Variants in MAN1A1 observed in about 807,000 individuals in gnomAD.
MAN1A1 encodes the protein mannosyl-oligosaccharide 1,2-alpha-mannosidase IA.
MAN1A1 carries 29 observed loss-of-function variants against 70.8 expected under a neutral mutation model. The ratio of observed to expected loss-of-function variants is 0.41; its 90% CI spans 0.31 to 0.56. The LOEUF (loss-of-function observed/expected upper bound fraction) is 0.56, where lower values mean the gene tolerates loss of function less well. MAN1A1 is among the 20% of genes least tolerant of loss of function. The pLI is 0.29. For synonymous variants in MAN1A1, 349 were observed against 330.1 expected (o/e 1.06, Z -0.62); for missense variants, 747 against 841.3 (o/e 0.89, Z 1.39).
chr6:119,192,558 T>C (rs1773468718), intron 9 of MAN1A1, among the ~76,000 whole-genome samples: 1 of 152,326 alleles, frequency 6.6e-6, no homozygotes, highest in South Asian at 2.1e-4. Context: ...CCCAGACCTC[T>C]TGTTAGAAAG....
chr6:119,321,161 T>A (rs1473440169), intron 2 of MAN1A1, among the ~76,000 whole-genome samples: 1 of 152,200 alleles, frequency 6.6e-6, no homozygotes, highest in Non-Finnish European at 1.5e-5. Context: ...CTACATGAAA[T>A]CTTATTTAAA....
chr6:119,199,066 T>C (rs185977604), intron 8 of MAN1A1, among the ~76,000 whole-genome samples: 2 of 152,364 alleles, frequency 1.3e-5, no homozygotes, highest in Admixed American at 1.3e-4. Flanking sequence ...TGGAAAATCC[T>C]GGCTCACTGA....
chr6:119,318,972 A>G (rs1047688620), intron 2 of MAN1A1, among the ~76,000 whole-genome samples: 2 of 152,236 alleles, frequency 1.3e-5, no homozygotes, highest in Admixed American at 6.5e-5. Flanking sequence ...TTGAATGTCA[A>G]TAATACTCTA....
intron 11 of MAN1A1, among the ~76,000 whole-genome samples, chr6:119,183,845 G>A (rs1013840066): frequency 1.3e-5 from 2 of 151,968 alleles, no homozygotes; most frequent in African/African-American, 2.4e-5. Flanking sequence ...CCTTATCAGT[G>A]GCCCCAGAGG....
At chr6:119,304,861 C>T (rs1209099478) in intron 3 of MAN1A1, among the ~76,000 whole-genome samples, 1 of 152,192 alleles carries the variant, frequency 6.6e-6, no homozygotes, top group Non-Finnish European at 1.5e-5. Context: ...ATTTTCCTAT[C>T]CTCTCCCTGG....
At chr6:119,251,938 T>C (rs1227978567) in intron 5 of MAN1A1, among the ~76,000 whole-genome samples, 1 of 152,232 alleles carries the variant, frequency 6.6e-6, no homozygotes, top group Non-Finnish European at 1.5e-5. Flanking sequence ...TGCTCATTCT[T>C]ACCTTCAGGA....
intron 6 of MAN1A1, among the ~76,000 whole-genome samples, chr6:119,226,183 G>C (rs908140994): frequency 1.3e-5 from 2 of 152,170 alleles, no homozygotes; most frequent in African/African-American, 4.8e-5. Flanking sequence ...CATGTCTAAA[G>C]AGGACTCAAA....
At chr6:119,227,108 G>A (rs1337419962) in intron 6 of MAN1A1, among the ~76,000 whole-genome samples, 1 of 152,170 alleles carries the variant, frequency 6.6e-6, no homozygotes, top group Non-Finnish European at 1.5e-5. Flanking sequence ...GATTGAACTA[G>A]TATACACAGA....
chr6:119,197,565 G>A, intron 8 of MAN1A1, among the ~76,000 whole-genome samples: 1 of 152,118 alleles, frequency 6.6e-6, no homozygotes, highest in East Asian at 1.9e-4. Context: ...GAGGAAAAGT[G>A]GATGCTAATA....
chr6:119,244,598 T>C (rs1775116412), intron 6 of MAN1A1, among the ~76,000 whole-genome samples: 1 of 152,076 alleles, frequency 6.6e-6, no homozygotes, highest in Non-Finnish European at 1.5e-5. Flanking sequence ...AGTATATGAG[T>C]GAATTATTTA....
chr6:119,344,640 C>G (rs953549915), intron 2 of MAN1A1, among the ~76,000 whole-genome samples: 1 of 152,122 alleles, frequency 6.6e-6, no homozygotes, highest in Non-Finnish European at 1.5e-5. Flanking sequence ...CAGAACTACC[C>G]ATAAAAATAA....
At chr6:119,343,570 A>C (rs1403895092) in intron 2 of MAN1A1, among the ~76,000 whole-genome samples, 1 of 152,210 alleles carries the variant, frequency 6.6e-6, no homozygotes, top group Non-Finnish European at 1.5e-5. Context: ...GGTGGGGATA[A>C]GATATAGTTC....
intron 6 of MAN1A1, among the ~76,000 whole-genome samples, chr6:119,235,290 C>A (rs1046736601): frequency 6.6e-6 from 1 of 152,160 alleles, no homozygotes; most frequent in Non-Finnish European, 1.5e-5. Context: ...AAAAGCTATG[C>A]CTCTTGTGCC....
chr6:119,294,021 T>G (rs1436514107), intron 4 of MAN1A1, among the ~76,000 whole-genome samples: 2 of 152,074 alleles, frequency 1.3e-5, no homozygotes, highest in African/African-American at 4.8e-5. Flanking sequence ...ACTACCACTG[T>G]GCAGCTCAGC....
intron 6 of MAN1A1, among the ~76,000 whole-genome samples, chr6:119,232,679 ATGTGTGTGTGTGTG>A (rs78960133): frequency 1.2e-3 from 177 of 143,508 alleles, no homozygotes; most frequent in African/African-American, 3.9e-3. Flanking sequence ...ACACATATAT[ATGTGTGTGTGTGTG>A]TGTGTGTGTG....
intron 5 of MAN1A1, among the ~76,000 whole-genome samples, chr6:119,251,296 G>A (rs1489281000): frequency 3.3e-5 from 5 of 151,994 alleles, no homozygotes; most frequent in African/African-American, 4.8e-5. Context: ...CTCTACTAAC[G>A]GTTCAACCAC....
chr6:119,236,994 G>C (rs1045418929), intron 6 of MAN1A1, among the ~76,000 whole-genome samples: 2 of 152,158 alleles, frequency 1.3e-5, no homozygotes, highest in Non-Finnish European at 1.5e-5. Flanking sequence ...CTTCAGTGGA[G>C]GAAGTAACTG....
intron 5 of MAN1A1, among the ~76,000 whole-genome samples, chr6:119,285,139 T>TTTC (rs1776332058): frequency 7.0e-6 from 1 of 142,786 alleles, no homozygotes; most frequent in Non-Finnish European, 1.5e-5. Context: ...GTAGCAGACT[T>TTTC]TTTTTTTTTT....
At chr6:119,224,311 G>T (rs2114263786) in intron 6 of MAN1A1, among the ~76,000 whole-genome samples, 1 of 152,294 alleles carries the variant, frequency 6.6e-6, no homozygotes, top group Non-Finnish European at 1.5e-5. Flanking sequence ...GCTCTACTCA[G>T]GATACAGGAA....
Sources: allele counts gnomAD v4.1 joint callset (sites outside exome capture counted in the v4.1 genomes callset), GRCh38; gene constraint gnomAD v4.1.1; transcripts MANE v1.5; gene names NCBI Gene and HGNC (gene_info 2026-07-23, HGNC 2026-07-21).